Variants in FASN observed in about 807,000 individuals in gnomAD.
FASN encodes 3-hydroxyacyl-[acyl-carrier-protein] dehydratase.
A neutral mutation model predicts 250.0 loss-of-function variants in FASN; 50 were observed. The ratio of observed to expected loss-of-function variants is 0.20; its 90% CI spans 0.16 to 0.25. FASN has a LOEUF of 0.25. Ranked by LOEUF, FASN falls within the 10% of genes least tolerant of loss-of-function variation. The pLI, the probability that FASN is intolerant of heterozygous loss-of-function variation, is 1.00. For missense variants in FASN, 3,031 were observed against 3,498.5 expected, an observed-to-expected ratio of 0.87 and a Z score of 3.37; for synonymous variants, 1,909 against 1,584.0, an observed-to-expected ratio of 1.21 and a Z score of -4.87.
chr17:82,091,767 C>G, intron 8 of FASN, 83 bp from the exon 9 acceptor site: 1 of 1,283,164 alleles, frequency 7.8e-7, no homozygotes, highest in Non-Finnish European at 1.1e-6. Context: ...CCCCGAGACT[C>G]TCATGTGGGG....
At chr17:82,093,895 A>C in intron 3 of FASN, 124 bp from the exon 4 acceptor site, 1 of 992,548 alleles carries the variant, frequency 1.0e-6, no homozygotes, top group Middle Eastern at 3.0e-4. Context: ...GGGGGGGTCC[A>C]TCCCAGTGGG....
intron 9 of FASN, 70 bp downstream of exon 9, chr17:82,091,152 G>A: frequency 1.2e-6 from 2 of 1,602,404 alleles, no homozygotes; most frequent in South Asian, 1.1e-5. Flanking sequence ...CACCTCAGGG[G>A]ACCACCAGCT....
In FASN at chr17:82,096,005, G is replaced by GT. The variant is rs1431462099; in HGVS notation, c.127+313dup. Among the ~76,000 whole-genome samples, 7 of 152,234 alleles carry GT rather than the reference G, an allele frequency of 4.6e-5. No homozygotes were observed. The East Asian group carries it at 1.2e-3, about 25-fold the overall frequency. On this transcript the variant is annotated intron_variant, in intron 2 of 42. Transcript: ENST00000306749. ...CCCATCCTCTGAGCTTGGCTCCTCC[G>GT]TAACAAGCAGATGGGCCCTGCCTGG...
In FASN at chr17:82,081,256, C is replaced by T. The variant is rs770758708; in HGVS notation, c.6503G>A (p.Arg2168His). Residue 2168 changes from arginine (R) to histidine (H), a missense_variant, in exon 38 of 43, where the codon CGT becomes CAT. Physicochemically the swap from Arg to His is conservative, Grantham distance 29 (BLOSUM62 0). Coordinates refer to ENST00000306749, the MANE Select transcript of FASN (RefSeq NM_004104.5). Reference sequence around the variant, plus strand: ...CACGGACAGCACCAGGTTGAGCTCACGCTCCAGCGTCTGGCGCACCTCCAC... The same window carrying T: ...CACGGACAGCACCAGGTTGAGCTCATGCTCCAGCGTCTGGCGCACCTCCAC... ...MSVEVRQTLERELNLVLSVRE... is the reference protein window; with the variant it reads ...MSVEVRQTLEHELNLVLSVRE... 1.2e-5 allele frequency: 19 copies of T among 1,576,344 alleles called. No homozygotes were observed. Among genetic ancestry groups the T allele is most frequent in the African/African-American group, 6.7e-5 (5 of 74,378 alleles).
At chr17:82,082,474 T>TC (rs1407714127) in intron 34 of FASN, 53 bp downstream of exon 34, 36 of 1,610,812 alleles carry the variant, frequency 2.2e-5, no homozygotes, top group Admixed American at 3.3e-5. Context: ...CCACCCAGGG[T>TC]CCCCCCCTTG....
At position 82,091,306 on chromosome 17, in the gene FASN, A is replaced by T. The variant is rs777106829; in HGVS notation, c.1408T>A (p.Tyr470Asn). Residue 470 changes from tyrosine (Y) to asparagine (N), a missense_variant, in exon 9 of 43, where the codon TAC (tyrosine) becomes AAC (asparagine). Coordinates refer to ENST00000306749, the MANE Select transcript of FASN (RefSeq NM_004104.5). ...CCGCGCTCACCACCCAGCACAGCGT[A>T]GCCACGGAAGGGCATGGCGGTGGCG... ...VPATAMPFRG[Y>N]AVLGGERGGP... is the part of the protein sequence containing the mutation. The T allele has an allele frequency of 1.9e-6, 3 of 1,610,846 alleles. No homozygotes were observed. The highest frequency in any genetic ancestry group is 1.7e-6 in the Non-Finnish European group (2 of 1,179,324).
chr17:82,080,445 C>T lies in FASN; in HGVS notation c.6972G>A (p.Gln2324=). ...AFEMCSQLQA[Q]QSPAPTHNSL... ...TGTTGTGGGTGGGGGCTGGGCTCTG[C>T]TGGGCCTGCAGCTGGGAGCACATTT... The change falls in exon 40 of 43, where the codon CAG becomes CAA. Residue 2324 remains glutamine, a synonymous_variant. Transcript: ENST00000306749. 6.3e-7 allele frequency: 1 copy of T among 1,595,246 alleles called. No homozygotes were observed. Among genetic ancestry groups the T allele is most frequent in the Middle Eastern group, 1.7e-4 (1 of 6,046 alleles).
Position 82,083,762 on chromosome 17 carries a change from G to A in FASN, c.5218+10C>T. On this transcript the variant is annotated intron_variant, in intron 30 of 42. Transcript: ENST00000306749. ...GCAGGAGGCAGGTGGGGGCTGTGGG[G>A]GCCACTCACCCTTCCCGCCCGTGTG... 3.7e-6 allele frequency: 6 copies of A among 1,611,494 alleles called. No homozygotes were observed. Among genetic ancestry groups the A allele is most frequent in the Non-Finnish European group, 5.1e-6 (6 of 1,179,706 alleles).
At chr17:82,088,595 G>A (rs780887830) in intron 15 of FASN, 33 bp from the exon 16 acceptor site, 71 of 1,593,252 alleles carry the variant, frequency 4.5e-5, no homozygotes, top group Middle Eastern at 1.7e-4. Flanking sequence ...TAGCACACCC[G>A]TCACCGGGGT....
At chr17:82,082,709 G>A (rs1355366981) in intron 33 of FASN, 31 bp from the exon 34 acceptor site, 5 of 1,603,942 alleles carry the variant, frequency 3.1e-6, no homozygotes, top group Non-Finnish European at 4.2e-6. Flanking sequence ...GGCTGGACTG[G>A]GCCAGGGTAC....
intron 8 of FASN, among the ~76,000 whole-genome samples, chr17:82,091,920 C>T (rs1293192618): frequency 2.0e-5 from 3 of 152,246 alleles, no homozygotes. Flanking sequence ...GCCTCCCAGC[C>T]TGATGTGGAC....
intron 1 of FASN, among the ~76,000 whole-genome samples, 195 bp downstream of exon 1, chr17:82,097,926 A>C (rs2034331933): frequency 6.6e-6 from 1 of 150,750 alleles, no homozygotes; most frequent in African/African-American, 2.4e-5. Flanking sequence ...CCGCCCACCT[A>C]CTCCGCGGGG....
At chr17:82,089,842 C>A (rs751771008) in intron 11 of FASN, 116 bp from the exon 12 acceptor site, 2 of 899,646 alleles carry the variant, frequency 2.2e-6, no homozygotes, top group East Asian at 5.3e-5. Context: ...GTAATGGCAG[C>A]CTTGGAGCCT....
chr17:82,080,002 C>T, intron 41 of FASN, 138 bp downstream of exon 41: 1 of 972,602 alleles, frequency 1.0e-6, no homozygotes, highest in Non-Finnish European at 1.6e-6. Flanking sequence ...GCAACCGCAT[C>T]CGGCCGGGAT....
At chr17:82,089,772 C>T (rs748327298) in intron 11 of FASN, 46 bp from the exon 12 acceptor site, 14 of 1,508,200 alleles carry the variant, frequency 9.3e-6, no homozygotes, top group Non-Finnish European at 1.2e-5. Flanking sequence ...CACCGAGCCG[C>T]TCCCAGCCAC....
chr17:82,081,006 T>TC, intron 38 of FASN, 84 bp from the exon 39 acceptor site: 1 of 1,410,122 alleles, frequency 7.1e-7, no homozygotes, highest in African/African-American at 1.4e-5. Flanking sequence ...CGCACGCAGG[T>TC]CCCCACGGTG....
chr17:82,087,300 T>TGGGCTGGGGCTG, intron 20 of FASN, 25 bp downstream of exon 20: 2 of 1,594,344 alleles, frequency 1.3e-6, no homozygotes, highest in Non-Finnish European at 1.7e-6. Context: ...GTGGGGGCAC[T>TGGGCTGGGGCTG]GGGCTGGGGC....
chr17:82,098,029 G>A (rs1050427194), intron 1 of FASN, 92 bp downstream of exon 1: 2 of 312,820 alleles, frequency 6.4e-6, no homozygotes, highest in African/African-American at 2.2e-5. Flanking sequence ...CGCGCCCCGA[G>A]AGCGGAGGAT....
In FASN at chr17:82,082,153, G is replaced by A; in HGVS notation, c.6019C>T (p.Arg2007Ter). ...SGTLNLDRVT[R>*]EACPELDYFV... Reference sequence around the variant, plus strand: ...TAGTCCAGCTCAGGGCACGCCTCTCGGGTCACCCTGTGGGCACGCGTGTCA... The same window carrying A: ...TAGTCCAGCTCAGGGCACGCCTCTCAGGTCACCCTGTGGGCACGCGTGTCA... The change falls in exon 36 of 43, where the codon CGA (arginine) becomes TGA (stop). Residue 2007 changes from arginine to a stop codon, truncating the protein, a stop_gained. Coordinates refer to ENST00000306749, the MANE Select transcript of FASN (RefSeq NM_004104.5). LOFTEE classifies it high-confidence loss of function. The A allele has an allele frequency of 6.2e-7, 1 of 1,603,176 alleles. No homozygotes were observed. The highest frequency in any genetic ancestry group is 8.5e-7 in the Non-Finnish European group (1 of 1,179,924).
Sources: gnomAD v4.1 joint callset for allele counts (sites outside exome capture counted in the v4.1 genomes callset) on GRCh38, gnomAD v4.1.1 for gene constraint, MANE v1.5 for transcripts, NCBI Gene and HGNC (gene_info 2026-07-23, HGNC 2026-07-21) for gene names.